Variants in HIGD1B observed in about 807,000 individuals in gnomAD.
HIGD1B encodes the protein HIG1 domain family member 1B.
A neutral mutation model predicts 8.8 loss-of-function variants in HIGD1B; 9 were observed. The ratio of observed to expected loss-of-function variants is 1.02; its 90% confidence interval spans 0.62 to 1.78. The LOEUF (loss-of-function observed/expected upper bound fraction) is 1.78, where lower values mean the gene tolerates loss of function less well. Among genes scored for constraint, HIGD1B ranks in the 40% most tolerant of loss-of-function variants. The probability of loss-of-function intolerance (pLI) is 0.00; values close to 1 mark genes in which losing one functional copy is unlikely to be tolerated. For missense variants in HIGD1B, 126 were observed against 111.8 expected, an observed-to-expected ratio of 1.13 and a Z score of -0.57; for synonymous variants, 47 against 38.8, an observed-to-expected ratio of 1.21 and a Z score of -0.78.
intron 2 of HIGD1B, chr17:44,849,919 GTGAGAAAAATCATGCAACAGAACAGA>G (rs1597783890): frequency 5.1e-6 from 1 of 197,716 alleles, no homozygotes; most frequent in East Asian, 1.2e-4. Context: ...TGCCCTAGGG[GTGAGAAAAATCATGCAACAGAACAGA>G]TGTTGAATTT....
At chr17:44,848,863 C>T (rs1228552578) in intron 1 of HIGD1B, among the ~76,000 whole-genome samples, 3 of 152,092 alleles carry the variant, frequency 2.0e-5, no homozygotes, top group Non-Finnish European at 4.4e-5. Context: ...ACAACCCCTG[C>T]CTCCTGGGTT....
Position 44,847,915 on chromosome 17 carries a change from A to C in HIGD1B, c.-238A>C, listed in dbSNP as rs1425051818. ...ACAGAATGAGCTGGGGAAGAGGCAG[A>C]TGGTAGGAAATGGAGACGGAGAAAT... is the stretch of plus-strand genomic sequence containing the variant. On this transcript the variant is annotated 5_prime_UTR_variant, in exon 1 of 3. An upstream start codon of the reference 5' UTR is lost. Coordinates refer to ENST00000253410, the MANE Select transcript of HIGD1B (RefSeq NM_016438.4). 5.2e-5 allele frequency: 22 copies of C among 425,998 alleles called. No homozygotes were observed. Among genetic ancestry groups the C allele is most frequent in the Non-Finnish European group, 8.1e-5 (19 of 235,028 alleles). 26.4% of individuals were successfully genotyped at this position (425,998 alleles called of 1,614,324 possible).
At chr17:44,849,141 T>C in intron 1 of HIGD1B, 113 bp from the exon 2 acceptor site, 1 of 1,206,988 alleles carries the variant, frequency 8.3e-7, no homozygotes, top group Non-Finnish European at 1.2e-6. Context: ...CACCAGATGC[T>C]GCATAAAACC....
At chr17:44,846,863 C>T (rs558469831), upstream of HIGD1B, among the ~76,000 whole-genome samples, 2 of 151,810 alleles carry the variant, frequency 1.3e-5, no homozygotes, top group African/African-American at 4.8e-5. Context: ...GGACAGGGCA[C>T]GGTGGCTCAT....
At position 44,847,987 on chromosome 17, in the gene HIGD1B, T is replaced by A; in HGVS notation, c.-166T>A. The A allele has an allele frequency of 2.0e-6, 1 of 507,548 alleles. No individual in the cohort carries two copies. Among genetic ancestry groups the A allele is most frequent in the East Asian group, 3.4e-5 (1 of 29,774 alleles). 31.4% of individuals were successfully genotyped at this position (507,548 alleles called of 1,614,324 possible). On this transcript the variant is annotated 5_prime_UTR_variant, in exon 1 of 3. Coordinates refer to ENST00000253410, the MANE Select transcript of HIGD1B (RefSeq NM_016438.4). ...TGAGATGGGATACCTGGGAGGGACA[T>A]CTTTTCAAGTAGAGGCTGTGTTGGG...
intron 1 of HIGD1B, 36 bp downstream of exon 1, chr17:44,848,288 GC>G (rs376406276): frequency 2.3e-6 from 2 of 860,500 alleles, no homozygotes. Flanking sequence ...CGAGTAGGAG[GC>G]CTTCTCTGTC....
At chr17:44,850,308 C>T in intron 2 of HIGD1B, 24 bp from the exon 3 acceptor site, 1 of 1,598,436 alleles carries the variant, frequency 6.3e-7, no homozygotes, top group African/African-American at 1.3e-5. Flanking sequence ...TGCCAAGGGG[C>T]ATTATTTCTT....
At chr17:44,845,258 C>CA (rs11366877), upstream of HIGD1B, among the ~76,000 whole-genome samples, 116 of 116,738 alleles carry the variant, frequency 9.9e-4, no homozygotes, top group East Asian at 2.8e-3. Flanking sequence ...AACTCCGTCT[C>CA]AAAAAAAAAA....
At chr17:44,849,742 G>C (rs947461566) in intron 2 of HIGD1B, among the ~76,000 whole-genome samples, 1 of 131,626 alleles carries the variant, frequency 7.6e-6, no homozygotes, top group Admixed American at 8.4e-5. Context: ...CCGGGTGACA[G>C]AGTGAGACTC....
upstream of HIGD1B, among the ~76,000 whole-genome samples, chr17:44,847,289 C>T (rs903984586): frequency 6.6e-5 from 10 of 151,888 alleles, no homozygotes; most frequent in South Asian, 2.1e-4. Flanking sequence ...AAAAATTAGC[C>T]GGGCGCGGTG....
At chr17:44,849,885 T>C (rs1299635030) in intron 2 of HIGD1B, 1 of 180,932 alleles carries the variant, frequency 5.5e-6, no homozygotes, top group East Asian at 1.4e-4. Flanking sequence ...CCCAGGCCTG[T>C]GGGGACAGTG....
intron 1 of HIGD1B, 37 bp from the exon 2 acceptor site, chr17:44,849,217 G>C (rs760490608): frequency 8.1e-6 from 13 of 1,608,780 alleles, no homozygotes; most frequent in Non-Finnish European, 1.0e-5. Context: ...GCTGTGCATT[G>C]TGGCTGTGGC....
At chr17:44,849,511 C>T in intron 2 of HIGD1B, 123 bp downstream of exon 2, 1 of 1,185,474 alleles carries the variant, frequency 8.4e-7, no homozygotes. Context: ...CCTGTAATCT[C>T]AACACTTTGG....
upstream of HIGD1B, among the ~76,000 whole-genome samples, chr17:44,844,864 G>A (rs1234196629): frequency 2.0e-5 from 3 of 152,172 alleles, no homozygotes; most frequent in Non-Finnish European, 4.4e-5. Context: ...CCATGTACTA[G>A]CTGTGTATCC....
At chr17:44,849,521 G>A in intron 2 of HIGD1B, 133 bp downstream of exon 2, 1 of 1,029,988 alleles carries the variant, frequency 9.7e-7, no homozygotes, top group Non-Finnish European at 1.4e-6. Flanking sequence ...CAACACTTTG[G>A]GAGGCCAAGG....
At chr17:44,850,113 C>T in intron 2 of HIGD1B, 1 of 501,418 alleles carries the variant, frequency 2.0e-6, no homozygotes, top group Non-Finnish European at 3.6e-6. Context: ...CTCAGATACA[C>T]AATACATGTG....
upstream of HIGD1B, among the ~76,000 whole-genome samples, chr17:44,845,595 G>A (rs546971010): frequency 1.4e-4 from 22 of 152,002 alleles, no homozygotes; most frequent in East Asian, 2.5e-3. Flanking sequence ...ACACAGCCTG[G>A]GTGACAGAGG....
At chr17:44,849,421 C>A (rs1447778607) in intron 2 of HIGD1B, 33 bp downstream of exon 2, 3 of 1,612,282 alleles carry the variant, frequency 1.9e-6, no homozygotes, top group Admixed American at 3.3e-5. Flanking sequence ...AGAATGAGGG[C>A]AAAACCGATT....
chr17:44,847,871 A>C, upstream of HIGD1B: 1 of 304,908 alleles, frequency 3.3e-6, no homozygotes, highest in South Asian at 4.2e-5. Flanking sequence ...GGGAAGGGGA[A>C]GCTGAGAAAG....
Sources: allele counts gnomAD v4.1 joint callset (sites outside exome capture counted in the v4.1 genomes callset), GRCh38; gene constraint gnomAD v4.1.1; transcripts MANE v1.5; gene names NCBI Gene and HGNC (gene_info 2026-07-23, HGNC 2026-07-21).